WWOX: variants seen among roughly 807,000 people sequenced by gnomAD.
WWOX encodes WW domain containing oxidoreductase.
A neutral mutation model predicts 46.2 loss-of-function variants in WWOX; 69 were observed. The observed-to-expected ratio is 1.49, with a 90% CI of 1.23 to 1.82. WWOX has a LOEUF of 1.82. WWOX is among the 40% of genes most tolerant of loss of function. The pLI is 0.00. For missense variants in WWOX, 919 were observed against 542.6 expected (o/e 1.69, Z -6.89); for synonymous variants, 359 against 202.6 (o/e 1.77, Z -6.56).
At chr16:78,156,906 G>C (rs1019986642) in intron 4 of WWOX, among the ~76,000 whole-genome samples, 1 of 152,128 alleles carries the variant, frequency 6.6e-6, no homozygotes, top group African/African-American at 2.4e-5. Flanking sequence ...ACTCCAGCCC[G>C]GGTGACAGAG....
intron 8 of WWOX, among the ~76,000 whole-genome samples, chr16:78,943,167 G>A (rs922173011): frequency 1.3e-5 from 2 of 152,174 alleles, no homozygotes; most frequent in Non-Finnish European, 2.9e-5. Flanking sequence ...GTTGTCATTT[G>A]AGTGCTTTCT....
At chr16:78,209,186 T>A (rs889106547) in intron 5 of WWOX, among the ~76,000 whole-genome samples, 1 of 152,338 alleles carries the variant, frequency 6.6e-6, no homozygotes, top group African/African-American at 2.4e-5. Context: ...GTAAAACCAG[T>A]AAATTTTAAA....
chr16:78,393,418 G>A (rs2082217644), intron 6 of WWOX, among the ~76,000 whole-genome samples: 1 of 152,120 alleles, frequency 6.6e-6, no homozygotes, highest in South Asian at 2.1e-4. Flanking sequence ...AGCGCTTTTG[G>A]GAGGCCAAGG....
intron 8 of WWOX, among the ~76,000 whole-genome samples, chr16:78,834,773 T>C (rs2051930257): frequency 2.0e-5 from 3 of 152,236 alleles, no homozygotes; most frequent in Non-Finnish European, 1.5e-5. Context: ...ATGTTGCGTA[T>C]GTCAAATCAT....
intron 8 of WWOX, among the ~76,000 whole-genome samples, chr16:79,036,144 G>T (rs2047861619): frequency 6.6e-6 from 1 of 152,050 alleles, no homozygotes; most frequent in Non-Finnish European, 1.5e-5. Context: ...AAATACCTTG[G>T]ATTTAGGAAT....
At chr16:78,472,952 C>A (rs2084263014) in intron 8 of WWOX, among the ~76,000 whole-genome samples, 1 of 152,150 alleles carries the variant, frequency 6.6e-6, no homozygotes, top group Non-Finnish European at 1.5e-5. Flanking sequence ...CAAACTAGGG[C>A]CCTTGGGCCA....
At chr16:78,314,519 T>C (rs2080315369) in intron 5 of WWOX, among the ~76,000 whole-genome samples, 2 of 147,790 alleles carry the variant, frequency 1.4e-5, no homozygotes, top group Admixed American at 1.4e-4. Flanking sequence ...TGGTGCCAAT[T>C]TGTGGGGTTT....
chr16:78,983,399 A>G (rs2046720968), intron 8 of WWOX, among the ~76,000 whole-genome samples: 1 of 152,102 alleles, frequency 6.6e-6, no homozygotes, highest in Non-Finnish European at 1.5e-5. Flanking sequence ...TAGGATGGAT[A>G]TTTTCCTGGG....
intron 5 of WWOX, among the ~76,000 whole-genome samples, chr16:78,292,063 C>CTTTTTTTTTTTTTTTTTTTTTTTTTTTCT (rs5818123): frequency 7.3e-6 from 1 of 136,956 alleles, no homozygotes; most frequent in African/African-American, 2.7e-5. Flanking sequence ...TGATTTTTAC[C>CTTTTTTTTTTTTTTTTTTTTTTTTTTTCT]TTTTTTTTTT....
intron 8 of WWOX, among the ~76,000 whole-genome samples, chr16:78,628,341 C>A (rs1359997867): frequency 6.6e-6 from 1 of 152,088 alleles, no homozygotes; most frequent in Non-Finnish European, 1.5e-5. Flanking sequence ...CCAGCAGAAT[C>A]CCCTTTGTTT....
intron 8 of WWOX, among the ~76,000 whole-genome samples, chr16:78,474,979 G>A (rs2084320350): frequency 6.6e-6 from 1 of 151,680 alleles, no homozygotes; most frequent in African/African-American, 2.4e-5. Flanking sequence ...ATTTATTTAG[G>A]CACGCCAGGT....
intron 8 of WWOX, among the ~76,000 whole-genome samples, chr16:79,199,867 T>C (rs2051313074): frequency 6.6e-6 from 1 of 152,170 alleles, no homozygotes; most frequent in Admixed American, 6.5e-5. Context: ...TCTAAGAGGA[T>C]GAATCCTAAC....
At chr16:78,446,964 T>C (rs1280861220) in intron 8 of WWOX, among the ~76,000 whole-genome samples, 1 of 152,144 alleles carries the variant, frequency 6.6e-6, no homozygotes, top group South Asian at 2.1e-4. Flanking sequence ...AATTATATAC[T>C]TATTTTAGGT....
At chr16:78,973,870 C>G (rs565610060) in intron 8 of WWOX, among the ~76,000 whole-genome samples, 7 of 152,334 alleles carry the variant, frequency 4.6e-5, no homozygotes, top group African/African-American at 1.4e-4. Flanking sequence ...ACGGAAATTT[C>G]TATCTCCAAC....
chr16:78,792,252 G>T (rs1017424885), intron 8 of WWOX, among the ~76,000 whole-genome samples: 1 of 152,174 alleles, frequency 6.6e-6, no homozygotes, highest in Non-Finnish European at 1.5e-5. Flanking sequence ...TCACGAGTCT[G>T]GCAATGGGGC....
At chr16:78,924,104 G>T (rs140038489) in intron 8 of WWOX, among the ~76,000 whole-genome samples, 2 of 151,916 alleles carry the variant, frequency 1.3e-5, no homozygotes, top group Admixed American at 6.6e-5. Context: ...GACATGAGCC[G>T]CTGTGCCCGG....
At chr16:78,812,338 G>C (rs572424634) in intron 8 of WWOX, among the ~76,000 whole-genome samples, 1 of 152,172 alleles carries the variant, frequency 6.6e-6, no homozygotes, top group East Asian at 1.9e-4. Flanking sequence ...GAGACCCTCA[G>C]GGTGACACCG....
intron 4 of WWOX, among the ~76,000 whole-genome samples, chr16:78,137,625 C>G (rs893743035): frequency 6.6e-6 from 1 of 152,128 alleles, no homozygotes; most frequent in African/African-American, 2.4e-5. Flanking sequence ...GGTTAAGATG[C>G]ACCGTCATAT....
chr16:78,391,793 G>A (rs111572185), intron 6 of WWOX, among the ~76,000 whole-genome samples: 1 of 152,172 alleles, frequency 6.6e-6, no homozygotes, highest in African/African-American at 2.4e-5. Context: ...AGAGGTTGCA[G>A]TGAGCCGAGA....
Sources: gnomAD v4.1 joint callset for allele counts (sites outside exome capture counted in the v4.1 genomes callset) on GRCh38, gnomAD v4.1.1 for gene constraint, MANE v1.5 for transcripts, NCBI Gene and HGNC (gene_info 2026-07-23, HGNC 2026-07-21) for gene names.